The following PRKG1 variants were observed in gnomAD, a reference collection of about 807,000 sequenced individuals.
PRKG1 encodes the protein protein kinase cGMP-dependent 1, also known as cGMP-dependent protein kinase 1.
Under a neutral mutation model 88.1 loss-of-function variants are expected in PRKG1, and 35 were observed. That is an observed-to-expected ratio of 0.40 (90% CI 0.30 to 0.53). The LOEUF is 0.53. Ranked by LOEUF, PRKG1 falls within the 20% of genes least tolerant of loss-of-function variation. The pLI is 0.59. For missense variants in PRKG1, 540 were observed against 839.8 expected, an observed-to-expected ratio of 0.64 and a Z score of 4.41; for synonymous variants, 303 against 292.5, an observed-to-expected ratio of 1.04 and a Z score of -0.37.
chr10:52,018,549 C>T (rs1338775857), intron 5 of PRKG1, among the ~76,000 whole-genome samples: 2 of 152,128 alleles, frequency 1.3e-5, no homozygotes, highest in Non-Finnish European at 2.9e-5. Flanking sequence ...CCAAAACAGT[C>T]AAACAAATGA....
In PRKG1 at chr10:51,942,344, A is replaced by G. The variant is rs369674574; in HGVS notation, c.762+34774A>G. Among the ~76,000 whole-genome samples, 16 of 151,900 alleles carry G rather than the reference A, an allele frequency of 1.1e-4. No homozygotes were observed. In the South Asian group the frequency reaches 2.3e-3, roughly 22 times the overall value. ...TTTGTTTGAGTTCATTGTAGATTCT[A>G]GATATTAGCCCTTTGTCAGATGAGT... On this transcript the variant is annotated intron_variant, in intron 5 of 17. Coordinates refer to ENST00000373980, the MANE Select transcript of PRKG1 (RefSeq NM_006258.4).
chr10:52,114,557 A>ACTATATATATATACATATATATATATAT (rs1554805858), intron 7 of PRKG1, among the ~76,000 whole-genome samples: 7 of 149,964 alleles, frequency 4.7e-5, no homozygotes, highest in South Asian at 2.1e-4. Flanking sequence ...TAATATGCTG[A>ACTATATATATATACATATATATATATAT]ATATATATAT....
chr10:51,713,629 C>G (rs570659153), intron 3 of PRKG1, among the ~76,000 whole-genome samples: 2 of 152,086 alleles, frequency 1.3e-5, no homozygotes, highest in Non-Finnish European at 2.9e-5. Context: ...AAGAAAAACA[C>G]GTAAAACAGC....
upstream of PRKG1, among the ~76,000 whole-genome samples, chr10:51,070,967 G>C (rs1386583277): frequency 1.3e-5 from 2 of 152,176 alleles, 1 homozygote; most frequent in Non-Finnish European, 2.9e-5. Context: ...CTTCATCTCA[G>C]ATAGGCAGTG....
At chr10:51,331,983 A>G (rs1841752913) in intron 2 of PRKG1, among the ~76,000 whole-genome samples, 1 of 152,182 alleles carries the variant, frequency 6.6e-6, no homozygotes, top group Non-Finnish European at 1.5e-5. Flanking sequence ...CATTCTGAAC[A>G]AGGTACTCTC....
At chr10:51,496,739 C>T (rs1451108557) in intron 3 of PRKG1, among the ~76,000 whole-genome samples, 2 of 152,050 alleles carry the variant, frequency 1.3e-5, no homozygotes, top group Admixed American at 6.6e-5. Flanking sequence ...TAATAATGCT[C>T]ATATTGATAA....
At chr10:51,908,430 G>A (rs1842132494) in intron 5 of PRKG1, 1 of 152,132 alleles carries the variant, frequency 6.6e-6, no homozygotes, top group Admixed American at 6.5e-5. Flanking sequence ...AAAAAGGTGT[G>A]TCTAGAGTGC....
intron 3 of PRKG1, among the ~76,000 whole-genome samples, chr10:51,502,683 A>G (rs1285293583): frequency 6.6e-6 from 1 of 152,152 alleles, no homozygotes; most frequent in Non-Finnish European, 1.5e-5. Flanking sequence ...TCCCACAGTT[A>G]CTCTGATCAT....
chr10:51,327,181 G>C (rs1387964236), intron 2 of PRKG1, among the ~76,000 whole-genome samples: 1 of 152,036 alleles, frequency 6.6e-6, no homozygotes, highest in Non-Finnish European at 1.5e-5. Flanking sequence ...TTGGGAGGTC[G>C]AGGTGGGTGG....
At chr10:51,079,087 A>G (rs1041692422) in intron 1 of PRKG1, among the ~76,000 whole-genome samples, 1 of 152,236 alleles carries the variant, frequency 6.6e-6, no homozygotes, top group African/African-American at 2.4e-5. Context: ...TAATATTAAA[A>G]CATAGATGGC....
At chr10:51,515,647 T>A (rs1335446726) in intron 3 of PRKG1, among the ~76,000 whole-genome samples, 1 of 152,194 alleles carries the variant, frequency 6.6e-6, no homozygotes, top group Non-Finnish European at 1.5e-5. Context: ...ATATTGCCAT[T>A]TTTCGTCACA....
At chr10:51,546,123 A>G (rs532628544) in intron 3 of PRKG1, among the ~76,000 whole-genome samples, 2 of 151,756 alleles carry the variant, frequency 1.3e-5, no homozygotes, top group East Asian at 1.9e-4. Flanking sequence ...TTCTAGCCAG[A>G]TAATTCATGA....
At chr10:51,688,560 C>T (rs900048694) in intron 3 of PRKG1, among the ~76,000 whole-genome samples, 4 of 109,020 alleles carry the variant, frequency 3.7e-5, no homozygotes, top group African/African-American at 1.5e-4. Flanking sequence ...TTGCCAGTAA[C>T]AATCCTTTTT....
intron 1 of PRKG1, among the ~76,000 whole-genome samples, chr10:51,059,624 T>C (rs2132781214): frequency 6.6e-6 from 1 of 152,296 alleles, no homozygotes; most frequent in African/African-American, 2.4e-5. Flanking sequence ...ATTAAATACT[T>C]TTTCATAATT....
At chr10:51,189,952 A>G (rs55847608) in intron 2 of PRKG1, among the ~76,000 whole-genome samples, 8,066 of 152,002 alleles carry the variant, frequency 0.053, 403 homozygotes, top group African/African-American at 0.13. Flanking sequence ...CTAAGGCTAC[A>G]GAAATAACAG....
chr10:51,172,725 T>C (rs555176443), intron 2 of PRKG1, among the ~76,000 whole-genome samples: 1 of 152,076 alleles, frequency 6.6e-6, no homozygotes, highest in South Asian at 2.1e-4. Flanking sequence ...TCATCATATG[T>C]GTGGAAAACT....
At chr10:51,375,856 G>A (rs1158367426) in intron 2 of PRKG1, among the ~76,000 whole-genome samples, 1 of 152,176 alleles carries the variant, frequency 6.6e-6, no homozygotes, top group Non-Finnish European at 1.5e-5. Flanking sequence ...GGGATAACAA[G>A]AGTGAAGTAA....
At chr10:51,145,497 G>A (rs147861554) in intron 1 of PRKG1, among the ~76,000 whole-genome samples, 313 of 152,222 alleles carry the variant, frequency 2.1e-3, no homozygotes, top group African/African-American at 7.0e-3. Context: ...GGCACTTTAC[G>A]TTAGTTCTGT....
chr10:51,227,901 G>A (rs1057164609), intron 2 of PRKG1, among the ~76,000 whole-genome samples: 17 of 152,076 alleles, frequency 1.1e-4, no homozygotes, highest in Admixed American at 3.3e-4. Context: ...CCAAACGACT[G>A]TGGAGGTTGA....
Sources: gnomAD v4.1 joint callset for allele counts (sites outside exome capture counted in the v4.1 genomes callset) on GRCh38, gnomAD v4.1.1 for gene constraint, MANE v1.5 for transcripts, NCBI Gene and HGNC (gene_info 2026-07-23, HGNC 2026-07-21) for gene names.